The following ULK4 variants were observed in gnomAD, a reference collection of about 807,000 sequenced individuals.
ULK4 encodes the protein inactive serine/threonine-protein kinase ULK4.
ULK4 carries 133 observed loss-of-function variants against 160.6 expected under a neutral mutation model. The ratio of observed to expected loss-of-function variants is 0.83; its 90% CI spans 0.72 to 0.96. The LOEUF is 0.96. Among genes scored for constraint, ULK4 ranks in the 40% least tolerant of loss-of-function variants. The pLI is 0.00. For missense variants in ULK4, 1,580 were observed against 1,499.5 expected (o/e 1.05, Z -0.89); for synonymous variants, 534 against 539.8 (o/e 0.99, Z 0.15).
At chr3:41,890,092 T>C (rs558493195) in intron 16 of ULK4, among the ~76,000 whole-genome samples, 3 of 152,014 alleles carry the variant, frequency 2.0e-5, no homozygotes, top group African/African-American at 4.8e-5. Flanking sequence ...TTGCCAGGGG[T>C]TGGAGAAGAA....
intron 5 of ULK4, among the ~76,000 whole-genome samples, chr3:41,931,129 C>T (rs1312578359): frequency 6.6e-6 from 1 of 152,168 alleles, no homozygotes; most frequent in Non-Finnish European, 1.5e-5. Flanking sequence ...GGCACATATA[C>T]ACCACAGAAT....
chr3:41,497,141 T>C (rs2085022254), intron 32 of ULK4, among the ~76,000 whole-genome samples: 1 of 151,842 alleles, frequency 6.6e-6, no homozygotes, highest in Non-Finnish European at 1.5e-5. Flanking sequence ...AATATGGTTA[T>C]AATGAATTAA....
intron 7 of ULK4, among the ~76,000 whole-genome samples, chr3:41,916,651 T>C (rs1050628170): frequency 6.6e-6 from 1 of 151,368 alleles, no homozygotes; most frequent in Non-Finnish European, 1.5e-5. Context: ...TTGGATCTCC[T>C]AAAGTGCTGC....
chr3:41,714,281 G>T (rs2037191519), intron 25 of ULK4, among the ~76,000 whole-genome samples: 1 of 152,144 alleles, frequency 6.6e-6, no homozygotes, highest in African/African-American at 2.4e-5. Context: ...ATCAGCAACA[G>T]TCACTCAACA....
intron 27 of ULK4, among the ~76,000 whole-genome samples, chr3:41,704,266 C>T (rs1017725082): frequency 4.6e-5 from 7 of 152,096 alleles, no homozygotes; most frequent in Non-Finnish European, 5.9e-5. Context: ...AGCTGGGGTA[C>T]AAGAAACACC....
intron 31 of ULK4, among the ~76,000 whole-genome samples, chr3:41,590,877 A>G (rs2031252154): frequency 1.3e-5 from 2 of 152,156 alleles, no homozygotes; most frequent in South Asian, 4.1e-4. Flanking sequence ...TGAGGATAAA[A>G]TAGGCTAAGA....
chr3:41,777,476 GTT>G (rs2039669643), intron 21 of ULK4, among the ~76,000 whole-genome samples: 1 of 39,640 alleles, frequency 2.5e-5, no homozygotes, highest in Non-Finnish European at 4.4e-5. Flanking sequence ...TTTTGAATGT[GTT>G]TGCTCTTGCT....
At chr3:41,629,871 C>G (rs553918762) in intron 30 of ULK4, among the ~76,000 whole-genome samples, 335 of 152,074 alleles carry the variant, frequency 2.2e-3, no homozygotes, top group African/African-American at 7.7e-3. Context: ...GTGGTGGGTG[C>G]CTGTAATTCC....
intron 30 of ULK4, among the ~76,000 whole-genome samples, chr3:41,644,357 G>C (rs2034378924): frequency 6.6e-6 from 1 of 151,704 alleles, no homozygotes. Flanking sequence ...ATTATTTTGA[G>C]ATATGTCCCA....
intron 34 of ULK4, among the ~76,000 whole-genome samples, chr3:41,406,257 T>C (rs573785555): frequency 6.6e-6 from 1 of 152,362 alleles, no homozygotes; most frequent in South Asian, 2.1e-4. Context: ...TTGTTGACTT[T>C]GTCAAAGATC....
intron 17 of ULK4, among the ~76,000 whole-genome samples, chr3:41,869,615 A>G (rs1697019410): frequency 6.6e-6 from 1 of 152,136 alleles, no homozygotes; most frequent in Admixed American, 6.6e-5. Context: ...TACATAAAAC[A>G]TAATATACAC....
intron 27 of ULK4, among the ~76,000 whole-genome samples, chr3:41,689,133 A>T (rs1471164676): frequency 6.6e-6 from 1 of 152,174 alleles, no homozygotes; most frequent in Non-Finnish European, 1.5e-5. Flanking sequence ...GGCACACCTG[A>T]AGTCTTCCTT....
intron 17 of ULK4, among the ~76,000 whole-genome samples, chr3:41,839,430 T>C (rs1048162273): frequency 6.7e-6 from 1 of 149,060 alleles, no homozygotes; most frequent in Non-Finnish European, 1.5e-5. Flanking sequence ...ATACATATAA[T>C]ATATACATTG....
At chr3:41,501,123 G>A (rs780641179) in intron 32 of ULK4, among the ~76,000 whole-genome samples, 35 of 152,264 alleles carry the variant, frequency 2.3e-4, no homozygotes, top group Admixed American at 6.5e-4. Flanking sequence ...GTGAGAATGC[G>A]AAACAACTGG....
chr3:41,532,591 G>T (rs1213985677), intron 32 of ULK4, among the ~76,000 whole-genome samples: 1 of 152,092 alleles, frequency 6.6e-6, no homozygotes, highest in African/African-American at 2.4e-5. Flanking sequence ...TCTGTTCAAT[G>T]ACTTAATGAA....
intron 19 of ULK4, 58 bp from the exon 20 acceptor site, chr3:41,800,351 T>G: frequency 4.7e-6 from 7 of 1,504,548 alleles, no homozygotes; most frequent in South Asian, 2.4e-5. Flanking sequence ...ATGTTATTTC[T>G]TTATGACCAT....
intron 35 of ULK4, among the ~76,000 whole-genome samples, chr3:41,397,674 C>G (rs924206847): frequency 1.3e-5 from 2 of 151,970 alleles, no homozygotes; most frequent in Admixed American, 1.3e-4. Context: ...TATCCTACAC[C>G]AGAAAAAAGG....
In ULK4 at chr3:41,895,617, C is replaced by A; in HGVS notation, c.1531-53G>T. The A allele has an allele frequency of 2.6e-6, 3 of 1,169,924 alleles. No homozygotes were observed. The South Asian group carries it at 5.5e-5, about 21-fold the overall frequency. The allele number at this position is 1,169,924 out of a possible 1,614,324, so 72.5% of individuals were successfully genotyped here. A position where few individuals can be genotyped will look rare whatever the true frequency, so the allele number is the denominator to read the frequency against. On this transcript the variant is annotated intron_variant, in intron 15 of 36. Coordinates refer to ENST00000301831, the MANE Select transcript of ULK4 (RefSeq NM_017886.4). The stretch of plus-strand genomic sequence containing the variant: ...AAAGAAAAAATTAAAATGTTTAAGT[C>A]ACAAAACACAGAAAATGACAGCAAA...
At chr3:41,550,261 A>T (rs1691969) in intron 32 of ULK4, among the ~76,000 whole-genome samples, 63,534 of 151,894 alleles carry the variant, frequency 0.42, 14,765 homozygotes, top group Non-Finnish European at 0.51. Flanking sequence ...AAGATAAATT[A>T]AAAAATGACT....
Sources: allele counts gnomAD v4.1 joint callset (sites outside exome capture counted in the v4.1 genomes callset), GRCh38; gene constraint gnomAD v4.1.1; transcripts MANE v1.5; gene names NCBI Gene and HGNC (gene_info 2026-07-23, HGNC 2026-07-21).